Variants in SNX4 observed in about 807,000 individuals in gnomAD.
The protein encoded by SNX4 is sorting nexin-4.
A neutral mutation model predicts 70.8 loss-of-function variants in SNX4; 49 were observed. The observed-to-expected ratio is 0.69, with a 90% CI of 0.55 to 0.88. The LOEUF (loss-of-function observed/expected upper bound fraction) is 0.88. Ranked by LOEUF, SNX4 falls within the 40% of genes least tolerant of loss-of-function variation. The pLI is 0.00. For synonymous variants in SNX4, 206 were observed against 183.8 expected, an observed-to-expected ratio of 1.12 and a Z score of -0.98; for missense variants, 528 against 544.8, an observed-to-expected ratio of 0.97 and a Z score of 0.31.
intron 9 of SNX4, among the ~76,000 whole-genome samples, chr3:125,467,654 C>T (rs972176480): frequency 3.9e-5 from 6 of 152,206 alleles, no homozygotes; most frequent in African/African-American, 1.4e-4. Flanking sequence ...CTCAAGAGAT[C>T]TGCCCACCTC....
chr3:125,460,467 T>C (rs1177621819), intron 10 of SNX4, among the ~76,000 whole-genome samples: 1 of 152,202 alleles, frequency 6.6e-6, no homozygotes, highest in Non-Finnish European at 1.5e-5. Flanking sequence ...CAGATACTGT[T>C]ACACACACTG....
chr3:125,488,956 C>T (rs967484060), intron 6 of SNX4, among the ~76,000 whole-genome samples: 3 of 152,160 alleles, frequency 2.0e-5, no homozygotes, highest in East Asian at 1.9e-4. Flanking sequence ...TGGAAATGCT[C>T]TCACAAATAC....
At chr3:125,488,610 T>C (rs1934585142) in intron 6 of SNX4, among the ~76,000 whole-genome samples, 1 of 152,250 alleles carries the variant, frequency 6.6e-6, no homozygotes, top group African/African-American at 2.4e-5. Flanking sequence ...TAATATGTTA[T>C]GGTTTATAAA....
chr3:125,510,830 A>C (rs1438905503), intron 1 of SNX4, among the ~76,000 whole-genome samples: 2 of 152,220 alleles, frequency 1.3e-5, no homozygotes, highest in African/African-American at 2.4e-5. Context: ...AGAGTTCTGG[A>C]GGCTGGTTGT....
At chr3:125,494,434 G>A (rs1934734040) in intron 5 of SNX4, among the ~76,000 whole-genome samples, 1 of 152,072 alleles carries the variant, frequency 6.6e-6, no homozygotes, top group Non-Finnish European at 1.5e-5. Context: ...TCACCTCAAA[G>A]GTACTGAGGC....
chr3:125,460,718 A>G, intron 10 of SNX4, 53 bp downstream of exon 10: 1 of 792,688 alleles, frequency 1.3e-6, no homozygotes, highest in Non-Finnish European at 2.1e-6. Flanking sequence ...GTGGCATATG[A>G]GGAGAGTGGT....
At chr3:125,473,440 G>A (rs1301082149) in intron 8 of SNX4, among the ~76,000 whole-genome samples, 2 of 151,224 alleles carry the variant, frequency 1.3e-5, no homozygotes, top group Non-Finnish European at 2.9e-5. Context: ...TTTTGAGATG[G>A]AGTCTTGCTC....
intron 6 of SNX4, 128 bp downstream of exon 6, chr3:125,489,280 G>A: frequency 1.4e-6 from 1 of 692,744 alleles, no homozygotes; most frequent in Non-Finnish European, 2.4e-6. Flanking sequence ...ACTTTAAAAG[G>A]ATTTCACTAA....
chr3:125,511,138 T>TC (rs1935164147), intron 1 of SNX4, among the ~76,000 whole-genome samples: 1 of 152,164 alleles, frequency 6.6e-6, no homozygotes, highest in South Asian at 2.1e-4. Flanking sequence ...GGTCTCGAAC[T>TC]CCCAACCTCA....
intron 10 of SNX4, among the ~76,000 whole-genome samples, chr3:125,457,884 G>A (rs1233586821): frequency 2.6e-5 from 4 of 151,556 alleles, no homozygotes; most frequent in Admixed American, 6.6e-5. Context: ...GGCCAAAAAC[G>A]TCATATATTC....
intron 1 of SNX4, among the ~76,000 whole-genome samples, chr3:125,514,942 G>A (rs547609813): frequency 7.2e-5 from 11 of 152,252 alleles, no homozygotes; most frequent in African/African-American, 2.4e-4. Context: ...GAGATTATAA[G>A]TGTGAGCCAC....
intron 8 of SNX4, among the ~76,000 whole-genome samples, chr3:125,470,360 G>C (rs1176552540): frequency 1.3e-5 from 2 of 151,750 alleles, no homozygotes; most frequent in East Asian, 3.9e-4. Flanking sequence ...GGCTATACAG[G>C]TTGTTTCCAA....
intron 1 of SNX4, among the ~76,000 whole-genome samples, chr3:125,508,440 G>A (rs1032581175): frequency 1.4e-5 from 2 of 145,006 alleles, no homozygotes; most frequent in Non-Finnish European, 3.1e-5. Flanking sequence ...GGTGGCAGGC[G>A]CCTGTAGTCC....
chr3:125,483,934 G>A (rs1000415766), intron 6 of SNX4, among the ~76,000 whole-genome samples: 1 of 152,172 alleles, frequency 6.6e-6, no homozygotes, highest in Non-Finnish European at 1.5e-5. Flanking sequence ...AAATGATTAG[G>A]TGTTCTTAGA....
intron 6 of SNX4, among the ~76,000 whole-genome samples, chr3:125,486,037 C>T (rs759001975): frequency 9.2e-5 from 14 of 152,142 alleles, no homozygotes; most frequent in Non-Finnish European, 1.6e-4. Context: ...GACGGGATTT[C>T]ACCATGTTGG....
chr3:125,479,918 C>T (rs1428470185), intron 7 of SNX4, among the ~76,000 whole-genome samples: 1 of 151,884 alleles, frequency 6.6e-6, no homozygotes, highest in Non-Finnish European at 1.5e-5. Flanking sequence ...ATTTCACGGA[C>T]CTTTAAAAAA....
Position 125,508,008 on chromosome 3 carries a change from G to A in SNX4, c.142-3264C>T, listed in dbSNP as rs1440240545. On this transcript the variant is annotated intron_variant, in intron 1 of 13. Transcript: ENST00000251775. ...AAAGAAAAAATACTTGGGAATTAAG[G>A]TGGTAAAAGACTTGTACAATGGAAA... Among the ~76,000 whole-genome samples the A allele has an allele frequency of 3.2e-4, 49 of 152,090 alleles. 1 individual carries two copies. The highest frequency in any genetic ancestry group is 3.2e-3 in the Admixed American group (49 of 15,260).
chr3:125,507,193 A>G (rs1264389282), intron 1 of SNX4, among the ~76,000 whole-genome samples: 24 of 46,228 alleles, frequency 5.2e-4, no homozygotes, highest in East Asian at 2.3e-3. Context: ...GGGTGATAGA[A>G]AAAAAAAAAA....
At chr3:125,515,664 C>CAAAAA (rs3030895) in intron 1 of SNX4, among the ~76,000 whole-genome samples, 1 of 102,446 alleles carries the variant, frequency 9.8e-6, no homozygotes, top group Non-Finnish European at 2.1e-5. Context: ...GACTTGGCCT[C>CAAAAA]AAAAAAAAAA....
Sources: gnomAD v4.1 joint callset for allele counts (sites outside exome capture counted in the v4.1 genomes callset) on GRCh38, gnomAD v4.1.1 for gene constraint, MANE v1.5 for transcripts, NCBI Gene and HGNC (gene_info 2026-07-23, HGNC 2026-07-21) for gene names.